The following GAS2 variants were observed in gnomAD, a reference collection of about 807,000 sequenced individuals.
GAS2 encodes the protein growth arrest specific 2, also known as growth arrest-specific protein 2.
A neutral mutation model predicts 37.5 loss-of-function variants in GAS2; 20 were observed. That is an observed-to-expected ratio of 0.53 (90% confidence interval 0.37 to 0.77). The LOEUF (loss-of-function observed/expected upper bound fraction) is 0.77. Ranked by LOEUF, GAS2 falls within the 30% of genes least tolerant of loss-of-function variation. The pLI, the probability that GAS2 is intolerant of heterozygous loss-of-function variation, is 0.00. For synonymous variants in GAS2, 144 were observed against 132.2 expected, an observed-to-expected ratio of 1.09 and a Z score of -0.61; for missense variants, 336 against 373.4, an observed-to-expected ratio of 0.90 and a Z score of 0.82.
At chr11:22,766,461 G>A (rs778015269) in intron 7 of GAS2, among the ~76,000 whole-genome samples, 3 of 152,120 alleles carry the variant, frequency 2.0e-5, no homozygotes. Context: ...CATTTGGCAT[G>A]TCATTTTGTA....
chr11:22,715,460 CAAAAAAAAA>C (rs1192862614), intron 3 of GAS2, among the ~76,000 whole-genome samples: 1 of 41,768 alleles, frequency 2.4e-5, no homozygotes, highest in African/African-American at 1.3e-4. Flanking sequence ...GACTCTGTCT[CAAAAAAAAA>C]AAAAAAAAAA....
At position 22,748,281 on chromosome 11, in the gene GAS2, G is replaced by A. The variant is rs114664414; in HGVS notation, c.474-839G>A. Among the ~76,000 whole-genome samples, 851 of 152,012 alleles carry A rather than the reference G, an allele frequency of 5.6e-3. 14 individuals are homozygous for A. The highest frequency in any genetic ancestry group is 0.019 in the African/African-American group (770 of 41,482). ...CTCTATTATCTGTAAAAGTGAGAGG[G>A]TGTAAATTGATGATCCCCAAAACCC... On this transcript the variant is annotated intron_variant, in intron 5 of 7. Transcript: ENST00000454584.
At chr11:22,675,495 C>A (rs1305391423) in intron 2 of GAS2, among the ~76,000 whole-genome samples, 1 of 152,162 alleles carries the variant, frequency 6.6e-6, no homozygotes, top group Non-Finnish European at 1.5e-5. Context: ...AGAGTCATCC[C>A]ACCCTGAACT....
intron 1 of GAS2, among the ~76,000 whole-genome samples, chr11:22,648,247 T>G (rs1029304078): frequency 4.0e-5 from 6 of 151,002 alleles, no homozygotes; most frequent in Non-Finnish European, 4.4e-5. Context: ...TATGCGGCGT[T>G]ATTTCTGAGG....
chr11:22,647,549 A>AG (rs1848715921), intron 1 of GAS2, among the ~76,000 whole-genome samples: 1 of 152,156 alleles, frequency 6.6e-6, no homozygotes, highest in South Asian at 2.1e-4. Flanking sequence ...ACAGTGTAAA[A>AG]GTGTTCCTAT....
chr11:22,778,675 G>A (rs1199664383), intron 7 of GAS2, among the ~76,000 whole-genome samples: 4 of 152,210 alleles, frequency 2.6e-5, no homozygotes, highest in Admixed American at 2.0e-4. Flanking sequence ...ACCTACAAAT[G>A]TAATACTTAA....
intron 7 of GAS2, among the ~76,000 whole-genome samples, chr11:22,794,938 C>G (rs1856354023): frequency 6.6e-6 from 1 of 151,874 alleles, no homozygotes; most frequent in Non-Finnish European, 1.5e-5. Context: ...ATTACTCCCT[C>G]AATTTCCAGA....
At chr11:22,720,184 T>C (rs939360043) in intron 3 of GAS2, among the ~76,000 whole-genome samples, 1 of 152,094 alleles carries the variant, frequency 6.6e-6, no homozygotes, top group Non-Finnish European at 1.5e-5. Context: ...TGTATGTGAA[T>C]ATTCCTATGG....
intron 7 of GAS2, among the ~76,000 whole-genome samples, chr11:22,795,093 T>C (rs1225335095): frequency 1.3e-5 from 2 of 152,178 alleles, no homozygotes; most frequent in African/African-American, 4.8e-5. Flanking sequence ...TTCATATTTA[T>C]GTGTGTAGTG....
At chr11:22,662,672 C>A (rs1848927939), upstream of GAS2, among the ~76,000 whole-genome samples, 1 of 151,712 alleles carries the variant, frequency 6.6e-6, no homozygotes, top group Non-Finnish European at 1.5e-5. Context: ...AAAAAAAACA[C>A]CTTCAACTTA....
At chr11:22,805,630 A>C (rs943562538) in intron 7 of GAS2, among the ~76,000 whole-genome samples, 2 of 152,116 alleles carry the variant, frequency 1.3e-5, no homozygotes, top group Non-Finnish European at 2.9e-5. Context: ...ATTGTTGCAG[A>C]AAAGGGGTCT....
intron 3 of GAS2, among the ~76,000 whole-genome samples, chr11:22,715,028 T>A (rs1334613717): frequency 6.6e-6 from 1 of 151,936 alleles, no homozygotes; most frequent in African/African-American, 2.4e-5. Context: ...CAGAACTAAA[T>A]GAAATTGAAA....
chr11:22,642,663 T>C (rs1848643506), intron 1 of GAS2, among the ~76,000 whole-genome samples: 1 of 152,172 alleles, frequency 6.6e-6, no homozygotes, highest in African/African-American at 2.4e-5. Flanking sequence ...TGAAAGCTTA[T>C]TTTATTTTGT....
chr11:22,762,709 A>G (rs1251915335), intron 7 of GAS2, among the ~76,000 whole-genome samples: 1 of 152,214 alleles, frequency 6.6e-6, no homozygotes, highest in Non-Finnish European at 1.5e-5. Context: ...TGACTATATT[A>G]TGACAGGATA....
At chr11:22,627,699 C>T (rs998982415) in intron 1 of GAS2, among the ~76,000 whole-genome samples, 1 of 150,226 alleles carries the variant, frequency 6.7e-6, no homozygotes. Flanking sequence ...AGCTTGAACC[C>T]GGGAGGTGAA....
chr11:22,704,765 G>C (rs973231164), intron 3 of GAS2, among the ~76,000 whole-genome samples: 2 of 151,602 alleles, frequency 1.3e-5, no homozygotes, highest in African/African-American at 4.8e-5. Flanking sequence ...ACAAAATGCA[G>C]TGGGCAGATT....
intron 3 of GAS2, 59 bp from the exon 4 acceptor site, chr11:22,726,233 A>C: frequency 6.5e-7 from 1 of 1,528,162 alleles, no homozygotes; most frequent in South Asian, 1.2e-5. Context: ...CATGTTTTTA[A>C]AACATCATTG....
chr11:22,731,166 C>A (rs1590065330), intron 4 of GAS2, among the ~76,000 whole-genome samples: 1 of 151,666 alleles, frequency 6.6e-6, no homozygotes, highest in East Asian at 1.9e-4. Context: ...TAGAAATTGT[C>A]AAGTTAACTT....
chr11:22,706,027 A>C (rs943312575), intron 3 of GAS2, among the ~76,000 whole-genome samples: 4 of 152,230 alleles, frequency 2.6e-5, no homozygotes, highest in Admixed American at 2.6e-4. Flanking sequence ...AAGGAAAGCA[A>C]GTATGTCTGG....
Sources: gnomAD v4.1 joint callset for allele counts (sites outside exome capture counted in the v4.1 genomes callset) on GRCh38, gnomAD v4.1.1 for gene constraint, MANE v1.5 for transcripts, NCBI Gene and HGNC (gene_info 2026-07-23, HGNC 2026-07-21) for gene names.